The following DLG1 variants were observed in gnomAD, a reference collection of about 807,000 sequenced individuals.
DLG1 encodes the protein discs large MAGUK scaffold protein 1, also known as disks large homolog 1.
A neutral mutation model predicts 123.4 loss-of-function variants in DLG1; 42 were observed. The ratio of observed to expected loss-of-function variants is 0.34; its 90% CI spans 0.27 to 0.44. DLG1 has a LOEUF of 0.44. Among genes scored for constraint, DLG1 ranks in the 20% least tolerant of loss-of-function variants. The probability of loss-of-function intolerance (pLI) is 1.00; values close to 1 mark genes in which losing one functional copy is unlikely to be tolerated. For synonymous variants in DLG1, 317 were observed against 356.2 expected, an observed-to-expected ratio of 0.89 and a Z score of 1.24; for missense variants, 942 against 1,082.6, an observed-to-expected ratio of 0.87 and a Z score of 1.82.
intron 18 of DLG1, among the ~76,000 whole-genome samples, chr3:197,076,066 T>C (rs1747051694): frequency 6.6e-6 from 1 of 152,162 alleles, no homozygotes; most frequent in African/African-American, 2.4e-5. Flanking sequence ...ACCAAAAGAA[T>C]GAAAGTTCTA....
At chr3:197,197,749 T>A (rs747703002) in intron 4 of DLG1, among the ~76,000 whole-genome samples, 8 of 152,306 alleles carry the variant, frequency 5.3e-5, no homozygotes, top group Non-Finnish European at 1.2e-4. Flanking sequence ...TTTTGAAACT[T>A]ACTACAAAGC....
Position 197,269,866 on chromosome 3 carries a change from TAAGA to T in DLG1, c.318+12809_318+12812del, listed in dbSNP as rs1259621434. Among the ~76,000 whole-genome samples the T allele has an allele frequency of 3.9e-5, 6 of 152,228 alleles. 1 individual carries two copies. Among genetic ancestry groups the T allele is most frequent in the South Asian group, 4.1e-4 (2 of 4,836 alleles). Reference sequence around the variant, plus strand: ...TCCGTTCCTGTGGAACACGTGAGTTTAAGAAAGGAAGACAAAGCATATTGTATTC... The same window carrying T: ...TCCGTTCCTGTGGAACACGTGAGTTTAAGGAAGACAAAGCATATTGTATTC... On this transcript the variant is annotated intron_variant, in intron 4 of 24. Transcript: ENST00000667157.
chr3:197,111,016 C>G (rs966648091), intron 13 of DLG1, among the ~76,000 whole-genome samples: 2 of 152,088 alleles, frequency 1.3e-5, no homozygotes, highest in African/African-American at 4.8e-5. Context: ...TTTCAAAGGC[C>G]TTATGGAGAA....
At chr3:197,192,111 C>A (rs1719924725) in intron 5 of DLG1, among the ~76,000 whole-genome samples, 6 of 151,754 alleles carry the variant, frequency 4.0e-5, no homozygotes, top group Admixed American at 3.9e-4. Context: ...GAGTTTGGGG[C>A]TGCAGTAAGC....
At chr3:197,059,577 T>C (rs1734331211) in intron 23 of DLG1, among the ~76,000 whole-genome samples, 1 of 152,228 alleles carries the variant, frequency 6.6e-6, no homozygotes. Flanking sequence ...GTAATGGTTA[T>C]ACATTCTTTT....
intron 5 of DLG1, among the ~76,000 whole-genome samples, chr3:197,175,531 A>C (rs912423100): frequency 2.0e-5 from 3 of 152,242 alleles, no homozygotes; most frequent in Non-Finnish European, 2.9e-5. Flanking sequence ...ATAGTGTTAC[A>C]TAAAAATGGC....
intron 13 of DLG1, among the ~76,000 whole-genome samples, chr3:197,106,677 A>G (rs897735753): frequency 6.6e-6 from 1 of 152,226 alleles, no homozygotes; most frequent in Admixed American, 6.5e-5. Context: ...TCTGTGCACC[A>G]AACTCTTTTA....
At chr3:197,130,410 T>C in intron 11 of DLG1, 117 bp downstream of exon 11, 1 of 946,286 alleles carries the variant, frequency 1.1e-6, no homozygotes, top group Non-Finnish European at 1.4e-6. Context: ...TGCTTAATTG[T>C]TTCTTTAAAA....
At chr3:197,262,710 T>TCCA (rs1759951774) in intron 4 of DLG1, among the ~76,000 whole-genome samples, 1 of 152,116 alleles carries the variant, frequency 6.6e-6, no homozygotes, top group African/African-American at 2.4e-5. Context: ...TACTACTACC[T>TCCA]CCAAGCAGAT....
intron 6 of DLG1, among the ~76,000 whole-genome samples, chr3:197,144,228 A>G (rs2149690995): frequency 6.6e-6 from 1 of 152,336 alleles, no homozygotes; most frequent in Non-Finnish European, 1.5e-5. Flanking sequence ...TTCTGAGACT[A>G]GGTCATCTGA....
At chr3:197,275,121 G>C (rs1364375040) in intron 4 of DLG1, among the ~76,000 whole-genome samples, 1 of 151,042 alleles carries the variant, frequency 6.6e-6, no homozygotes, top group Non-Finnish European at 1.5e-5. Flanking sequence ...GGGAGGTGGA[G>C]CTTGCAGTGA....
intron 6 of DLG1, among the ~76,000 whole-genome samples, chr3:197,145,039 G>GCTCTCTCTCT (rs35261692): frequency 6.8e-6 from 1 of 146,060 alleles, no homozygotes; most frequent in Non-Finnish European, 1.5e-5. Context: ...TCGCTTGCTT[G>GCTCTCTCTCT]CTCTCTCTCT....
intron 5 of DLG1, among the ~76,000 whole-genome samples, chr3:197,150,832 T>TA (rs1793503334): frequency 1.3e-5 from 2 of 152,078 alleles, no homozygotes; most frequent in African/African-American, 4.8e-5. Context: ...ACAAAATGCT[T>TA]AAAGACAACC....
chr3:197,181,776 GAA>G (rs1436536886), intron 5 of DLG1, among the ~76,000 whole-genome samples: 1 of 152,040 alleles, frequency 6.6e-6, no homozygotes, highest in Non-Finnish European at 1.5e-5. Context: ...GAAAGGTAAT[GAA>G]AAAGACAAGA....
intron 23 of DLG1, 138 bp from the exon 24 acceptor site, chr3:197,051,806 C>A: frequency 2.1e-6 from 1 of 485,880 alleles, no homozygotes; most frequent in Non-Finnish European, 3.6e-6. Flanking sequence ...TCATTAAAAA[C>A]TTGAGTCATT....
intron 4 of DLG1, among the ~76,000 whole-genome samples, chr3:197,239,387 G>A (rs1218122330): frequency 6.6e-6 from 1 of 152,096 alleles, no homozygotes; most frequent in Non-Finnish European, 1.5e-5. Context: ...GGTGAATTCT[G>A]CCAACCATTT....
intron 4 of DLG1, among the ~76,000 whole-genome samples, chr3:197,263,759 G>A (rs1449963068): frequency 6.6e-6 from 1 of 152,022 alleles, no homozygotes; most frequent in African/African-American, 2.4e-5. Flanking sequence ...TGCACTCCAG[G>A]CTGGGCGACA....
chr3:197,297,278 T>G lies in DLG1; in HGVS notation c.-31-43A>C, dbSNP rs149033272. 157 of 1,607,136 alleles carry G rather than the reference T, an allele frequency of 9.8e-5. No homozygotes were observed. The African/African-American group carries it at 1.8e-3, about 18-fold the overall frequency. Reference sequence around the variant, plus strand: ...GAAAGGAAAAAGGATAGAATCATGTTAAACTAGCATTTTCCCCTATCGAAA... The same window carrying G: ...GAAAGGAAAAAGGATAGAATCATGTGAAACTAGCATTTTCCCCTATCGAAA... On this transcript the variant is annotated intron_variant, in intron 1 of 24. Transcript: ENST00000667157.
upstream of DLG1, chr3:197,298,859 G>A (rs1778659003): frequency 5.8e-6 from 2 of 347,110 alleles, no homozygotes; most frequent in Admixed American, 4.7e-5. Context: ...GAGTTTGAGG[G>A]TTATAGTACA....
Sources: allele counts gnomAD v4.1 joint callset (sites outside exome capture counted in the v4.1 genomes callset), GRCh38; gene constraint gnomAD v4.1.1; transcripts MANE v1.5; gene names NCBI Gene and HGNC (gene_info 2026-07-23, HGNC 2026-07-21).